The following DSCAML1 variants were observed in gnomAD, a reference collection of about 807,000 sequenced individuals.
DSCAML1 encodes DS cell adhesion molecule like 1.
In DSCAML1, 38 loss-of-function variants were observed where a neutral mutation model predicts 200.5. The ratio of observed to expected loss-of-function variants is 0.19; its 90% CI spans 0.15 to 0.25. The LOEUF is 0.25. Ranked by LOEUF, DSCAML1 falls within the 10% of genes least tolerant of loss-of-function variation. The pLI, the probability that DSCAML1 is intolerant of heterozygous loss-of-function variation, is 1.00. For missense variants in DSCAML1, 2,223 were observed against 2,858.8 expected (o/e 0.78, Z 5.07); for synonymous variants, 1,215 against 1,165.0 (o/e 1.04, Z -0.87).
intron 3 of DSCAML1, among the ~76,000 whole-genome samples, chr11:117,655,085 C>T (rs59380350): frequency 2.0e-5 from 3 of 152,234 alleles, no homozygotes; most frequent in Non-Finnish European, 2.9e-5. Flanking sequence ...TGAGCCATGG[C>T]GTGAGCCTTG....
intron 11 of DSCAML1, among the ~76,000 whole-genome samples, chr11:117,484,728 C>A (rs1447269138): frequency 6.6e-6 from 1 of 152,138 alleles, no homozygotes; most frequent in Non-Finnish European, 1.5e-5. Context: ...ATTGCAGATG[C>A]CTCCATTTTT....
chr11:117,751,655 G>A (rs11216528), intron 3 of DSCAML1, among the ~76,000 whole-genome samples: 4,536 of 152,044 alleles, frequency 0.03, 97 homozygotes, highest in Non-Finnish European at 0.048. Context: ...TGAAGCTGCC[G>A]AGCCAGCAAC....
intron 3 of DSCAML1, among the ~76,000 whole-genome samples, chr11:117,688,562 G>A (rs1230239518): frequency 6.6e-6 from 1 of 152,182 alleles, no homozygotes; most frequent in Non-Finnish European, 1.5e-5. Flanking sequence ...GAAGAACACA[G>A]GACCAGGAGG....
At chr11:117,546,027 C>T (rs377270979) in intron 3 of DSCAML1, among the ~76,000 whole-genome samples, 100 of 152,354 alleles carry the variant, frequency 6.6e-4, no homozygotes, top group African/African-American at 2.1e-3. Flanking sequence ...CGAACTTGTG[C>T]GAGGCACGCA....
chr11:117,437,914 C>A lies in DSCAML1; in HGVS notation c.4413G>T (p.Glu1471Asp). 1 of 1,611,094 alleles carries A rather than the reference C, an allele frequency of 6.2e-7. No individual in the cohort carries two copies. The highest frequency in any genetic ancestry group is 2.2e-5 in the East Asian group (1 of 44,862). Reference protein sequence around the residue: ...VGSGRISEIIEAKTHGREPSF... With the variant: ...VGSGRISEIIDAKTHGREPSF... ...CCTCACCCCGCCCGTGGGTCTTGGC[C>A]TCGATGATCTCGCTGATGCGCCCAG... Residue 1471 changes from glutamate (E) to aspartate (D), a missense_variant, in exon 25 of 33, where the codon GAG becomes GAT. By Grantham distance (45) the Glu-to-Asp change is conservative. Transcript: ENST00000651296. The surrounding 1 kb of genome is among the most constrained non-coding windows in gnomAD (Gnocchi z 5.3).
intron 3 of DSCAML1, among the ~76,000 whole-genome samples, chr11:117,654,854 C>G (rs539598068): frequency 2.0e-5 from 3 of 152,046 alleles, no homozygotes; most frequent in African/African-American, 7.2e-5. Context: ...CGGGTAGGAA[C>G]GGCAATGCTT....
chr11:117,738,341 C>A (rs199752628), intron 3 of DSCAML1, among the ~76,000 whole-genome samples: 1 of 152,042 alleles, frequency 6.6e-6, no homozygotes, highest in East Asian at 1.9e-4. Flanking sequence ...TCATTCCCTC[C>A]CTAAGAAGAA....
In DSCAML1 at chr11:117,520,707, A is replaced by G. The variant is rs556935234; in HGVS notation, c.1213+423T>C. On this transcript the variant is annotated intron_variant, in intron 6 of 32. Coordinates refer to ENST00000651296, the MANE Select transcript of DSCAML1 (RefSeq NM_020693.4). ...CAAGACCAGCCTGAGCAACATAGTGAGACTCTGTCTCTGAAAACAAAACAA... is the reference window on the plus strand; with the variant it reads ...CAAGACCAGCCTGAGCAACATAGTGGGACTCTGTCTCTGAAAACAAAACAA... Among the ~76,000 whole-genome samples, 316 of 152,058 alleles carry G rather than the reference A, an allele frequency of 2.1e-3. 2 individuals are homozygous for G. The highest frequency in any genetic ancestry group is 7.4e-3 in the African/African-American group (308 of 41,398).
chr11:117,770,869 C>T (rs916348550), intron 3 of DSCAML1, among the ~76,000 whole-genome samples: 1 of 152,160 alleles, frequency 6.6e-6, no homozygotes, highest in African/African-American at 2.4e-5. Context: ...GCATAGGCTT[C>T]AGACAGACAA....
At chr11:117,442,456 T>C (rs374779037) in intron 21 of DSCAML1, among the ~76,000 whole-genome samples, 50 of 151,992 alleles carry the variant, frequency 3.3e-4, no homozygotes, top group East Asian at 1.6e-3. Flanking sequence ...TATAAGTGTG[T>C]GCGCGTGCAT....
intron 1 of DSCAML1, among the ~76,000 whole-genome samples, chr11:117,790,093 G>A (rs2055432670): frequency 6.6e-6 from 1 of 152,180 alleles, no homozygotes; most frequent in African/African-American, 2.4e-5. Context: ...GACTGCGGGA[G>A]GGTCACCCTA....
chr11:117,471,764 C>T (rs1279011841), intron 15 of DSCAML1, 105 bp downstream of exon 15: 2 of 1,372,170 alleles, frequency 1.5e-6, no homozygotes, highest in Non-Finnish European at 2.0e-6. Context: ...CCCCACGCCA[C>T]CCCCTTTAAC....
intron 3 of DSCAML1, among the ~76,000 whole-genome samples, chr11:117,715,414 T>G (rs4245173): frequency 6.6e-6 from 1 of 152,154 alleles, no homozygotes; most frequent in South Asian, 2.1e-4. Context: ...TAGAAGTTAA[T>G]GCACTTCAAT....
intron 3 of DSCAML1, among the ~76,000 whole-genome samples, chr11:117,543,432 G>A (rs1235676873): frequency 5.9e-5 from 9 of 152,014 alleles, no homozygotes; most frequent in Non-Finnish European, 8.8e-5. Context: ...ACCCTGTGCT[G>A]GTGTGTGTAC....
At chr11:117,579,681 C>T (rs771013304) in intron 3 of DSCAML1, among the ~76,000 whole-genome samples, 3 of 152,094 alleles carry the variant, frequency 2.0e-5, no homozygotes, top group Non-Finnish European at 2.9e-5. Flanking sequence ...GTGGGTTGAC[C>T]GTCTCTCTCC....
chr11:117,686,358 A>T (rs1412406431), intron 3 of DSCAML1, among the ~76,000 whole-genome samples: 1 of 152,240 alleles, frequency 6.6e-6, no homozygotes, highest in Non-Finnish European at 1.5e-5. Flanking sequence ...ACAATGCATG[A>T]TTGGGTCTGA....
chr11:117,508,441 A>G (rs1343306302), intron 8 of DSCAML1, among the ~76,000 whole-genome samples: 1 of 152,054 alleles, frequency 6.6e-6, no homozygotes. Context: ...GAGGAAATGC[A>G]CAAACATACG....
intron 3 of DSCAML1, among the ~76,000 whole-genome samples, chr11:117,534,764 C>A (rs1023288940): frequency 2.0e-5 from 3 of 152,146 alleles, no homozygotes; most frequent in African/African-American, 7.2e-5. Context: ...CATGCACCAC[C>A]ACAACTGGCT....
intron 3 of DSCAML1, among the ~76,000 whole-genome samples, chr11:117,690,425 G>A (rs577656332): frequency 5.3e-5 from 8 of 152,362 alleles, no homozygotes; most frequent in African/African-American, 1.7e-4. Context: ...AGGCACCCAC[G>A]GGTCTCCAAG....
Sources: allele counts gnomAD v4.1 joint callset (sites outside exome capture counted in the v4.1 genomes callset), GRCh38; gene constraint gnomAD v4.1.1; non-coding constraint Gnocchi (gnomAD v3.1); transcripts MANE v1.5; gene names NCBI Gene and HGNC (gene_info 2026-07-23, HGNC 2026-07-21).